MLLT3: variants seen among roughly 807,000 people sequenced by gnomAD.
MLLT3 encodes protein AF-9.
Under a neutral mutation model 53.2 loss-of-function variants are expected in MLLT3, and 4 were observed. The ratio of observed to expected loss-of-function variants is 0.08; its 90% confidence interval spans 0.04 to 0.17. The LOEUF (loss-of-function observed/expected upper bound fraction) is 0.17, where lower values mean the gene tolerates loss of function less well. Ranked by LOEUF, MLLT3 falls within the 10% of genes least tolerant of loss-of-function variation. The probability of loss-of-function intolerance (pLI) is 1.00; values close to 1 mark genes in which losing one functional copy is unlikely to be tolerated. For synonymous variants in MLLT3, 283 were observed against 230.6 expected (o/e 1.23, Z -2.06); for missense variants, 569 against 684.0 (o/e 0.83, Z 1.87).
At chr9:20,540,371 C>A (rs148476387) in intron 2 of MLLT3, among the ~76,000 whole-genome samples, 1 of 152,388 alleles carries the variant, frequency 6.6e-6, no homozygotes, top group African/African-American at 2.4e-5. Flanking sequence ...CTCCACCCTT[C>A]CAGCAGACTT....
chr9:20,571,936 A>G (rs1040618185), intron 2 of MLLT3, among the ~76,000 whole-genome samples: 1 of 152,216 alleles, frequency 6.6e-6, no homozygotes, highest in African/African-American at 2.4e-5. Context: ...GGGAATGTAC[A>G]TTAGTATAGC....
intron 2 of MLLT3, among the ~76,000 whole-genome samples, chr9:20,483,886 T>A (rs947129443): frequency 7.0e-6 from 1 of 143,278 alleles, no homozygotes; most frequent in Non-Finnish European, 1.5e-5. Flanking sequence ...TTTTTTTTTG[T>A]ATTTTTAGTA....
chr9:20,505,695 T>A (rs1825363938), intron 2 of MLLT3, among the ~76,000 whole-genome samples: 1 of 152,186 alleles, frequency 6.6e-6, no homozygotes, highest in South Asian at 2.1e-4. Context: ...GTGACACACA[T>A]TTGTCCTGTT....
At chr9:20,445,810 T>C (rs1243502244) in intron 4 of MLLT3, among the ~76,000 whole-genome samples, 5 of 152,154 alleles carry the variant, frequency 3.3e-5, no homozygotes, top group Admixed American at 3.3e-4. Flanking sequence ...TTTTTAAGTA[T>C]GAGGAGGAAA....
At chr9:20,615,888 A>G (rs1043991845) in intron 2 of MLLT3, among the ~76,000 whole-genome samples, 2 of 149,146 alleles carry the variant, frequency 1.3e-5, no homozygotes, top group African/African-American at 4.9e-5. Context: ...AAAAAAAAAA[A>G]AAAGAAAAGA....
intron 2 of MLLT3, among the ~76,000 whole-genome samples, chr9:20,525,668 C>A (rs1033350567): frequency 1.3e-5 from 2 of 152,146 alleles, no homozygotes; most frequent in Admixed American, 6.5e-5. Context: ...AAATGTAGGT[C>A]TAGTCAGTCC....
intron 2 of MLLT3, among the ~76,000 whole-genome samples, chr9:20,518,065 C>T (rs557161104): frequency 1.1e-4 from 17 of 152,238 alleles, no homozygotes; most frequent in Admixed American, 2.0e-4. Context: ...GTAGGCTGAG[C>T]GCTGTGGCTC....
chr9:20,415,555 TGGAACCA>T (rs1374737512), intron 4 of MLLT3: 1 of 385,160 alleles, frequency 2.6e-6, no homozygotes, highest in Non-Finnish European at 3.6e-6. Context: ...CACTTCCTAA[TGGAACCA>T]AAGACAAATA....
At chr9:20,538,096 C>T (rs1218324455) in intron 2 of MLLT3, among the ~76,000 whole-genome samples, 2 of 152,090 alleles carry the variant, frequency 1.3e-5, no homozygotes, top group South Asian at 2.1e-4. Context: ...ATTATTTGTG[C>T]CCCATGTGTT....
intron 2 of MLLT3, among the ~76,000 whole-genome samples, chr9:20,462,829 A>C (rs565623166): frequency 6.6e-6 from 1 of 152,140 alleles, no homozygotes; most frequent in African/African-American, 2.4e-5. Context: ...ACATAACTTT[A>C]GCATGAGTTT....
At chr9:20,558,735 C>T (rs534545806) in intron 2 of MLLT3, among the ~76,000 whole-genome samples, 1 of 152,310 alleles carries the variant, frequency 6.6e-6, no homozygotes, top group Admixed American at 6.5e-5. Flanking sequence ...ATGACCACTG[C>T]CTGAAGGACA....
At chr9:20,517,323 G>C (rs1449311764) in intron 2 of MLLT3, among the ~76,000 whole-genome samples, 1 of 152,024 alleles carries the variant, frequency 6.6e-6, no homozygotes, top group Non-Finnish European at 1.5e-5. Flanking sequence ...CACTGAGAGG[G>C]ACCAGAAGGA....
chr9:20,457,547 C>A (rs1272511433), intron 2 of MLLT3, among the ~76,000 whole-genome samples: 1 of 151,964 alleles, frequency 6.6e-6, no homozygotes, highest in Non-Finnish European at 1.5e-5. Flanking sequence ...CCATGCCTGG[C>A]CTAGAGATGT....
intron 2 of MLLT3, among the ~76,000 whole-genome samples, chr9:20,518,564 C>G (rs900755258): frequency 6.6e-6 from 1 of 152,140 alleles, no homozygotes; most frequent in African/African-American, 2.4e-5. Flanking sequence ...TCTCCCAAGA[C>G]ACTTAGTAAT....
At chr9:20,395,306 T>G (rs1468761519) in intron 5 of MLLT3, among the ~76,000 whole-genome samples, 2 of 152,186 alleles carry the variant, frequency 1.3e-5, no homozygotes, top group African/African-American at 4.8e-5. Flanking sequence ...TTTCAAACGC[T>G]AAATGTTATC....
chr9:20,574,670 G>A (rs1220062489), intron 2 of MLLT3, among the ~76,000 whole-genome samples: 1 of 152,136 alleles, frequency 6.6e-6, no homozygotes, highest in African/African-American at 2.4e-5. Flanking sequence ...GCTAGTGGAG[G>A]GTCCTGCCTG....
chr9:20,354,648 A>AAAC (rs1444551787), intron 9 of MLLT3, among the ~76,000 whole-genome samples, 160 bp downstream of exon 9: 1 of 152,232 alleles, frequency 6.6e-6, no homozygotes, highest in Non-Finnish European at 1.5e-5. Context: ...CATGGAAAAC[A>AAAC]AACTACAAAG....
In MLLT3 at chr9:20,560,942, T is replaced by C. The variant is rs544742631; in HGVS notation, c.193+59712A>G. ...AACATTTCAAATCCTCTCTTCTAGC[T>C]ACCTCGAAATATTTGAAATATTAGA... is the stretch of plus-strand genomic sequence containing the variant. On this transcript the variant is annotated intron_variant, in intron 2 of 10. Coordinates refer to ENST00000380338, the MANE Select transcript of MLLT3 (RefSeq NM_004529.4). Among the ~76,000 whole-genome samples the C allele has an allele frequency of 3.6e-4, 55 of 152,304 alleles. 1 individual carries two copies. Among genetic ancestry groups the C allele is most frequent in the African/African-American group, 1.3e-3 (53 of 41,568 alleles).
chr9:20,490,261 T>C (rs922209855), intron 2 of MLLT3, among the ~76,000 whole-genome samples: 13 of 152,232 alleles, frequency 8.5e-5, no homozygotes, highest in Non-Finnish European at 1.6e-4. Context: ...CAACTGACCA[T>C]AGGATATGAA....
Sources: allele counts gnomAD v4.1 joint callset (sites outside exome capture counted in the v4.1 genomes callset), GRCh38; gene constraint gnomAD v4.1.1; transcripts MANE v1.5; gene names NCBI Gene and HGNC (gene_info 2026-07-23, HGNC 2026-07-21).